The following ALDH8A1 variants were observed in gnomAD, a reference collection of about 807,000 sequenced individuals.
ALDH8A1 encodes the protein 2-aminomuconic semialdehyde dehydrogenase.
In ALDH8A1, 39 loss-of-function variants were observed where a neutral mutation model predicts 43.3. The ratio of observed to expected loss-of-function variants is 0.90; its 90% CI spans 0.70 to 1.18. The LOEUF (loss-of-function observed/expected upper bound fraction) is 1.18, where lower values mean the gene tolerates loss of function less well. ALDH8A1 is among the 50% of genes most tolerant of loss of function. The pLI, the probability that ALDH8A1 is intolerant of heterozygous loss-of-function variation, is 0.00. For synonymous variants in ALDH8A1, 233 were observed against 243.5 expected, an observed-to-expected ratio of 0.96 and a Z score of 0.40; for missense variants, 605 against 622.6, an observed-to-expected ratio of 0.97 and a Z score of 0.30.
intron 6 of ALDH8A1, among the ~76,000 whole-genome samples, chr6:134,919,997 G>C (rs1464409589): frequency 6.6e-6 from 1 of 152,172 alleles, no homozygotes; most frequent in Non-Finnish European, 1.5e-5. Flanking sequence ...CAGCCTTGAA[G>C]ACTCCTGGAC....
chr6:134,937,727 C>T (rs1232174350), intron 4 of ALDH8A1, among the ~76,000 whole-genome samples: 1 of 152,164 alleles, frequency 6.6e-6, no homozygotes, highest in Non-Finnish European at 1.5e-5. Flanking sequence ...AGTCACCAGG[C>T]AGGGAAGAAG....
At chr6:134,936,385 T>C (rs772477503) in intron 4 of ALDH8A1, among the ~76,000 whole-genome samples, 10 of 152,010 alleles carry the variant, frequency 6.6e-5, no homozygotes, top group Non-Finnish European at 1.5e-4. Flanking sequence ...CAGCTTTGGG[T>C]TGGGGCAAAG....
At chr6:134,943,195 A>G (rs1413808549) in intron 2 of ALDH8A1, among the ~76,000 whole-genome samples, 1 of 152,020 alleles carries the variant, frequency 6.6e-6, no homozygotes. Flanking sequence ...GCAGAGAACT[A>G]TTTTCTTTTT....
In ALDH8A1 at chr6:134,939,378, C is replaced by T; in HGVS notation, c.480G>A (p.Leu160=). ...TCGCTGGAGCTATCTTCCAGGTCAG[C>T]AAGTAGAGTGGCAAATTCCAGGGGC... The part of the protein sequence containing the change: ...LISPWNLPLY[L]LTWKIAPAMA... Residue 160 remains leucine, a synonymous_variant, in exon 4 of 7, where the codon TTG becomes TTA. Coordinates refer to ENST00000265605, the MANE Select transcript of ALDH8A1 (RefSeq NM_022568.4). 1.2e-6 allele frequency: 2 copies of T among 1,614,152 alleles called. No individual in the cohort carries two copies. The highest frequency in any genetic ancestry group is 1.7e-6 in the Non-Finnish European group (2 of 1,180,036).
intron 3 of ALDH8A1, 152 bp downstream of exon 3, chr6:134,942,257 C>A: frequency 1.0e-6 from 1 of 991,552 alleles, no homozygotes; most frequent in East Asian, 2.8e-5. Context: ...AGAAAATAAA[C>A]TAGAAATAGA....
At chr6:134,924,795 T>G (rs1776858289) in intron 6 of ALDH8A1, among the ~76,000 whole-genome samples, 1 of 152,248 alleles carries the variant, frequency 6.6e-6, no homozygotes, top group South Asian at 2.1e-4. Context: ...TATTTTATGC[T>G]GAAATATTCT....
chr6:134,929,940 A>G (rs986517077), intron 5 of ALDH8A1, among the ~76,000 whole-genome samples: 1 of 152,232 alleles, frequency 6.6e-6, no homozygotes, highest in Admixed American at 6.5e-5. Flanking sequence ...CAGAGGAGTT[A>G]AGAGAATATT....
Position 134,918,823 on chromosome 6 carries a change from A to C in ALDH8A1, c.1056T>G (p.Ile352Met). The C allele has an allele frequency of 6.2e-7, 1 of 1,614,040 alleles. No homozygotes were observed. The highest frequency in any genetic ancestry group is 8.5e-7 in the Non-Finnish European group (1 of 1,179,988). Residue 352 changes from isoleucine to methionine, a missense_variant, in exon 7 of 7, where the codon ATT (isoleucine) becomes ATG (methionine). Ile to Met is a conservative substitution (Grantham distance 10). Transcript: ENST00000265605. Reference sequence around the variant, plus strand: ...ACTTATCCACTCCCTCACCGCACCAAATTTGGGCACCTTCAGCAAGAGCTC... The same window carrying C: ...ACTTATCCACTCCCTCACCGCACCACATTTGGGCACCTTCAGCAAGAGCTC... Reference protein sequence around the residue: ...VKRALAEGAQIWCGEGVDKLS... With the variant: ...VKRALAEGAQMWCGEGVDKLS...
At chr6:134,947,622 A>G (rs989621313) in intron 1 of ALDH8A1, among the ~76,000 whole-genome samples, 1 of 152,146 alleles carries the variant, frequency 6.6e-6, no homozygotes, top group African/African-American at 2.4e-5. Context: ...AGATGTACAA[A>G]TGGCCAACAG....
In ALDH8A1 at chr6:134,943,868, C is replaced by A; in HGVS notation, c.237G>T (p.Leu79Phe). 6.2e-7 allele frequency: 1 copy of A among 1,614,266 alleles called. No homozygotes were observed. The highest frequency in any genetic ancestry group is 1.6e-4 in the Middle Eastern group (1 of 6,062). The change falls in exon 2 of 7, where the codon TTG (leucine) becomes TTT (phenylalanine). Residue 79 changes from leucine to phenylalanine, a missense_variant. Leu to Phe is a conservative substitution (Grantham distance 22, BLOSUM62 0). Coordinates refer to ENST00000265605, the MANE Select transcript of ALDH8A1 (RefSeq NM_022568.4). ...RSRVLNQVAD[L>F]LEQSLEEFAQ... The stretch of plus-strand genomic sequence containing the variant: ...CAAACTCCTCCAGGGACTGCTCCAG[C>A]AAATCCGCCACCTGGTTCAGGACCC...
At chr6:134,921,714 G>A (rs1451309953) in intron 6 of ALDH8A1, among the ~76,000 whole-genome samples, 1 of 152,240 alleles carries the variant, frequency 6.6e-6, no homozygotes, top group Admixed American at 6.5e-5. Context: ...TTGATTTGGA[G>A]AAGACAAAAA....
At chr6:134,926,858 CACCTCTTCTTG>C (rs1308752824) in intron 6 of ALDH8A1, among the ~76,000 whole-genome samples, 1 of 152,016 alleles carries the variant, frequency 6.6e-6, no homozygotes, top group Non-Finnish European at 1.5e-5. Flanking sequence ...AGTTTTAAGC[CACCTCTTCTTG>C]ACCTCTTCTT....
At chr6:134,938,807 C>T (rs1241793252) in intron 4 of ALDH8A1, among the ~76,000 whole-genome samples, 2 of 152,032 alleles carry the variant, frequency 1.3e-5, no homozygotes, top group African/African-American at 4.8e-5. Flanking sequence ...GCCACCACGC[C>T]CAGCTAATTT....
In ALDH8A1 at chr6:134,918,011, C is replaced by T; in HGVS notation, c.*404G>A. 1 of 197,754 alleles carries T rather than the reference C, an allele frequency of 5.1e-6. No individual in the cohort carries two copies. The highest frequency in any genetic ancestry group is 1.0e-5 in the Non-Finnish European group (1 of 96,674). The allele number at this position is 197,754 out of a possible 1,614,324, so 12.2% of individuals were successfully genotyped here. ...CTCCTGAACTCAAGTGATCCACCCA[C>T]CTTGGCCTCCCAAAGTGCTGGGATT... On this transcript the variant is annotated 3_prime_UTR_variant, in exon 7 of 7. Coordinates refer to ENST00000265605, the MANE Select transcript of ALDH8A1 (RefSeq NM_022568.4).
rs530203946 is a variant in ALDH8A1, at chr6:134,935,738, C to A, written c.593-2706G>T. 3.3e-5 allele frequency among the ~76,000 whole-genome samples: 5 copies of A among 152,270 alleles called. No homozygotes were observed. In the South Asian group the frequency reaches 1.0e-3, roughly 32 times the overall value. ...CATTAGAAACATACTCCTTTGGATA[C>A]AACCCATTTCTTCCAGAATCTACTT... On this transcript the variant is annotated intron_variant, in intron 4 of 6. Transcript: ENST00000265605.
chr6:134,931,914 A>G (rs1018669494), intron 5 of ALDH8A1, among the ~76,000 whole-genome samples: 5 of 152,236 alleles, frequency 3.3e-5, no homozygotes, highest in African/African-American at 1.2e-4. Flanking sequence ...ATGCAGTTTC[A>G]AAAGTTTATG....
Position 134,918,716 on chromosome 6 carries a change from A to T in ALDH8A1, c.1163T>A (p.Met388Lys). The part of the protein sequence containing the change: ...ITDIKDESCC[M>K]TEEIFGPVTC... The stretch of plus-strand genomic sequence containing the variant: ...CACTGGACCAAATATCTCTTCCGTC[A>T]TGCAGCAGGATTCATCCTTAATGTC... Residue 388 changes from methionine (M) to lysine (K), a missense_variant, in exon 7 of 7, where the codon ATG (methionine) becomes AAG (lysine). Physicochemically the swap from Met to Lys is moderately conservative, Grantham distance 95. Transcript: ENST00000265605. 6.2e-7 allele frequency: 1 copy of T among 1,614,212 alleles called. No individual in the cohort carries two copies. Among genetic ancestry groups the T allele is most frequent in the Non-Finnish European group, 8.5e-7 (1 of 1,180,042 alleles).
chr6:134,925,940 G>T (rs150317201), intron 6 of ALDH8A1, among the ~76,000 whole-genome samples: 4 of 152,020 alleles, frequency 2.6e-5, no homozygotes, highest in African/African-American at 7.2e-5. Flanking sequence ...GGAGGAGGGT[G>T]CCTGGTATTT....
At chr6:134,930,320 A>G (rs1026691542) in intron 5 of ALDH8A1, among the ~76,000 whole-genome samples, 2 of 152,214 alleles carry the variant, frequency 1.3e-5, no homozygotes, top group Non-Finnish European at 2.9e-5. Context: ...CACAGACATC[A>G]AATAGAGATA....
Sources: gnomAD v4.1 joint callset for allele counts (sites outside exome capture counted in the v4.1 genomes callset) on GRCh38, gnomAD v4.1.1 for gene constraint, MANE v1.5 for transcripts, NCBI Gene and HGNC (gene_info 2026-07-23, HGNC 2026-07-21) for gene names.